Variants in CPNE5 observed in about 807,000 individuals in gnomAD.
CPNE5 encodes the protein copine 5.
CPNE5 carries 42 observed loss-of-function variants against 81.1 expected under a neutral mutation model. The observed-to-expected ratio is 0.52, with a 90% CI of 0.40 to 0.67. The LOEUF is 0.67. Ranked by LOEUF, CPNE5 falls within the 30% of genes least tolerant of loss-of-function variation. The probability of loss-of-function intolerance (pLI) is 0.00; values close to 1 mark genes in which losing one functional copy is unlikely to be tolerated. For synonymous variants in CPNE5, 313 were observed against 321.5 expected, an observed-to-expected ratio of 0.97 and a Z score of 0.28; for missense variants, 612 against 815.5, an observed-to-expected ratio of 0.75 and a Z score of 3.04.
intron 3 of CPNE5, among the ~76,000 whole-genome samples, chr6:36,816,623 G>A (rs1297008748): frequency 6.6e-6 from 1 of 152,220 alleles, no homozygotes; most frequent in African/African-American, 2.4e-5. Context: ...GGTGGGAACT[G>A]GTTCCTGTTT....
Position 36,746,404 on chromosome 6 carries a change from A to G in CPNE5, c.1192T>C (p.Phe398Leu). Reference sequence around the variant, plus strand: ...CCAGCGGGACCACCTACCAGTGGGAACTCGTGGGACACTCTGCCATCCGGG... The same window carrying G: ...CCAGCGGGACCACCTACCAGTGGGAGCTCGTGGGACACTCTGCCATCCGGG... ...LPPDGRVSHE[F>L]PLNGNQENPS... Residue 398 changes from phenylalanine (F) to leucine (L), a missense_variant, in exon 16 of 21, where the codon TTC (phenylalanine) becomes CTC (leucine). Physicochemically the swap from Phe to Leu is conservative, Grantham distance 22. Transcript: ENST00000244751. The surrounding 1 kb of genome is among the most constrained non-coding windows in gnomAD (Gnocchi z 4.5). 1 of 1,608,510 alleles carries G rather than the reference A, an allele frequency of 6.2e-7. No individual in the cohort carries two copies. Among genetic ancestry groups the G allele is most frequent in the Non-Finnish European group, 8.5e-7 (1 of 1,177,500 alleles).
chr6:36,793,729 G>T (rs529816060), intron 7 of CPNE5, among the ~76,000 whole-genome samples: 1 of 152,088 alleles, frequency 6.6e-6, no homozygotes, highest in Non-Finnish European at 1.5e-5. Context: ...GAGCATCCCC[G>T]GGCCCGCCGG....
chr6:36,755,812 T>G (rs1765383433), intron 13 of CPNE5: 1 of 184,412 alleles, frequency 5.4e-6, no homozygotes, highest in Non-Finnish European at 1.1e-5. Flanking sequence ...CTCTACCACT[T>G]TCTAGCTGTG....
At chr6:36,764,153 G>A (rs1278656743) in intron 11 of CPNE5, among the ~76,000 whole-genome samples, 2 of 142,312 alleles carry the variant, frequency 1.4e-5, no homozygotes, top group African/African-American at 5.2e-5. Flanking sequence ...TTCTGACTAT[G>A]AGCAACTTCA....
At chr6:36,806,766 A>G (rs1465950466) in intron 3 of CPNE5, among the ~76,000 whole-genome samples, 2 of 152,368 alleles carry the variant, frequency 1.3e-5, no homozygotes, top group South Asian at 2.1e-4. Context: ...ACTCCAGTGT[A>G]TAACATTCAT....
intron 1 of CPNE5, among the ~76,000 whole-genome samples, chr6:36,837,039 CTT>C (rs1015694157): frequency 6.6e-6 from 1 of 152,216 alleles, no homozygotes; most frequent in Non-Finnish European, 1.5e-5. Context: ...AGGAAGGCCT[CTT>C]ATGCAAGAGG....
intron 7 of CPNE5, 153 bp from the exon 8 acceptor site, chr6:36,792,249 T>A (rs1769166277): frequency 1.2e-5 from 15 of 1,289,792 alleles, no homozygotes; most frequent in Non-Finnish European, 1.2e-5. Context: ...TCTCCTGAGA[T>A]CCTTGTGGCA....
At chr6:36,781,457 T>G (rs1300148254) in intron 8 of CPNE5, among the ~76,000 whole-genome samples, 1 of 152,064 alleles carries the variant, frequency 6.6e-6, no homozygotes, top group Admixed American at 6.5e-5. Flanking sequence ...TTAAATCATA[T>G]GCCTAAAGTC....
chr6:36,800,619 C>T, intron 3 of CPNE5, among the ~76,000 whole-genome samples: 1 of 152,246 alleles, frequency 6.6e-6, no homozygotes, highest in Non-Finnish European at 1.5e-5. Context: ...TTTTGGTATT[C>T]ATGCCCTTGC....
chr6:36,743,736 C>A lies in CPNE5; in HGVS notation c.1516G>T (p.Val506Leu), dbSNP rs903107854. 1.9e-6 allele frequency: 3 copies of A among 1,612,724 alleles called. No homozygotes were observed. The highest frequency in any genetic ancestry group is 2.5e-6 in the Non-Finnish European group (3 of 1,179,972). The part of the protein sequence containing the change: ...DAMVELDGDD[V>L]RISSRGKLAE... ...AGCTTCCCCCGGGAGGAGATCCGCA[C>A]GTCGTCGCCATCCAGCTCCACCATG... The change falls in exon 20 of 21, where the codon GTG becomes TTG. Residue 506 changes from valine to leucine, a missense_variant. By Grantham distance (32) the Val-to-Leu change is conservative. Transcript: ENST00000244751.
At chr6:36,780,840 A>G (rs1162268821) in intron 8 of CPNE5, among the ~76,000 whole-genome samples, 4 of 152,192 alleles carry the variant, frequency 2.6e-5, no homozygotes, top group South Asian at 2.1e-4. Context: ...TTAGTCCTCA[A>G]AATAATCCTT....
chr6:36,744,393 A>C, intron 18 of CPNE5, 68 bp from the exon 19 acceptor site: 19 of 1,250,032 alleles, frequency 1.5e-5, no homozygotes, highest in Non-Finnish European at 2.2e-5. Flanking sequence ...GGAAGGAGAA[A>C]TCAGGGGTAG....
At chr6:36,750,017 T>C (rs894488202) in intron 14 of CPNE5, among the ~76,000 whole-genome samples, 1 of 152,186 alleles carries the variant, frequency 6.6e-6, no homozygotes, top group African/African-American at 2.4e-5. Context: ...CTTAAGAAGA[T>C]TCCAGGGCTC....
intron 7 of CPNE5, among the ~76,000 whole-genome samples, chr6:36,793,240 G>A (rs1769256521): frequency 6.6e-6 from 1 of 152,108 alleles, no homozygotes; most frequent in Admixed American, 6.5e-5. Context: ...GGCAGGGGAG[G>A]AAGGGAAGCC....
At chr6:36,789,402 G>A (rs770557112) in intron 8 of CPNE5, among the ~76,000 whole-genome samples, 38 of 152,204 alleles carry the variant, frequency 2.5e-4, no homozygotes, top group Non-Finnish European at 5.1e-4. Context: ...GCATTGTCTA[G>A]AGCGTTAGAA....
chr6:36,839,641 C>A (rs1583088313), upstream of CPNE5: 1 of 103,530 alleles, frequency 9.7e-6, no homozygotes, highest in Non-Finnish European at 2.0e-5. The surrounding 1 kb of genome is among the most constrained non-coding windows in gnomAD (Gnocchi z 7.3). Flanking sequence ...GCCCAGGGAG[C>A]GGGGGCACAG....
intron 12 of CPNE5, among the ~76,000 whole-genome samples, chr6:36,761,572 G>A (rs1375576621): frequency 1.3e-5 from 2 of 152,238 alleles, no homozygotes; most frequent in Non-Finnish European, 2.9e-5. Context: ...TGGCTGAGTG[G>A]CTGCTAGCAT....
chr6:36,815,175 C>CA (rs11375655), intron 3 of CPNE5, among the ~76,000 whole-genome samples: 35,424 of 147,096 alleles, frequency 0.24, 4,372 homozygotes, highest in South Asian at 0.35. Flanking sequence ...AAAAAAAGAA[C>CA]AAAAAAAAAG....
chr6:36,780,419 C>T (rs1767941224), intron 8 of CPNE5, among the ~76,000 whole-genome samples: 1 of 152,170 alleles, frequency 6.6e-6, no homozygotes, highest in South Asian at 2.1e-4. Flanking sequence ...AATACGGCTG[C>T]TGGAGCCAGG....
Sources: allele counts gnomAD v4.1 joint callset (sites outside exome capture counted in the v4.1 genomes callset), GRCh38; gene constraint gnomAD v4.1.1; non-coding constraint Gnocchi (gnomAD v3.1); transcripts MANE v1.5; gene names NCBI Gene and HGNC (gene_info 2026-07-23, HGNC 2026-07-21).